The following CDH12 variants were observed in gnomAD, a reference collection of about 807,000 sequenced individuals.
The protein encoded by CDH12 is cadherin 12.
CDH12 carries 41 observed loss-of-function variants against 74.1 expected under a neutral mutation model. The ratio of observed to expected loss-of-function variants is 0.55; its 90% CI spans 0.43 to 0.72. CDH12 has a LOEUF of 0.72. Ranked by LOEUF, CDH12 falls within the 30% of genes least tolerant of loss-of-function variation. CDH12 has a pLI of 0.00. For synonymous variants in CDH12, 399 were observed against 355.0 expected (o/e 1.12, Z -1.39); for missense variants, 945 against 977.2 (o/e 0.97, Z 0.44).
chr5:22,767,731 C>T (rs187940803), intron 1 of CDH12, among the ~76,000 whole-genome samples: 17 of 151,942 alleles, frequency 1.1e-4, no homozygotes, highest in Non-Finnish European at 2.1e-4. Context: ...ATTATACCTA[C>T]GAGTTCTTTC....
intron 5 of CDH12, among the ~76,000 whole-genome samples, chr5:21,989,036 T>A (rs577684735): frequency 2.6e-5 from 4 of 152,250 alleles, no homozygotes; most frequent in African/African-American, 9.6e-5. Flanking sequence ...ATAGCCATTT[T>A]AATGTATTTT....
rs111416858 is a variant in CDH12, at chr5:22,669,934, G to A, written c.-522-164570C>T. On this transcript the variant is annotated intron_variant, in intron 1 of 14. Coordinates refer to ENST00000382254, the MANE Select transcript of CDH12 (RefSeq NM_004061.5). ...GAGTAGACTGTACATTATAAATCTG[G>A]TTATATCACTTCCATAATATTTTCA... 7.5e-3 allele frequency among the ~76,000 whole-genome samples: 1,143 copies of A among 152,178 alleles called. 18 individuals are homozygous for A. The highest frequency in any genetic ancestry group is 0.026 in the African/African-American group (1,099 of 41,512).
At chr5:22,712,787 G>A (rs3103161) in intron 1 of CDH12, among the ~76,000 whole-genome samples, 2 of 151,960 alleles carry the variant, frequency 1.3e-5, no homozygotes, top group African/African-American at 4.8e-5. Context: ...AAGCTAGGAT[G>A]TGTACAAAAG....
intron 6 of CDH12, among the ~76,000 whole-genome samples, chr5:21,957,323 C>A (rs1325071141): frequency 6.6e-6 from 1 of 152,098 alleles, no homozygotes; most frequent in East Asian, 1.9e-4. Context: ...TATTGATGAG[C>A]ATTGAGGTGG....
intron 4 of CDH12, among the ~76,000 whole-genome samples, chr5:22,185,083 A>T (rs923751894): frequency 4.0e-5 from 6 of 151,816 alleles, no homozygotes; most frequent in African/African-American, 1.2e-4. Context: ...TAGCTCCCAC[A>T]GTTTATCTAA....
intron 10 of CDH12, among the ~76,000 whole-genome samples, chr5:21,787,723 A>T (rs1296194110): frequency 6.6e-6 from 1 of 152,164 alleles, no homozygotes; most frequent in African/African-American, 2.4e-5. Flanking sequence ...TATTGGAGGA[A>T]TGAGAAAGCA....
intron 6 of CDH12, among the ~76,000 whole-genome samples, chr5:21,968,913 G>A (rs1456224045): frequency 1.3e-5 from 2 of 151,942 alleles, no homozygotes; most frequent in African/African-American, 2.4e-5. Context: ...TCTCTTATAA[G>A]TGGGAGCTGA....
At chr5:22,592,284 G>A (rs535788825) in intron 1 of CDH12, among the ~76,000 whole-genome samples, 7 of 152,016 alleles carry the variant, frequency 4.6e-5, no homozygotes, top group African/African-American at 9.7e-5. Context: ...CTGTACTTTC[G>A]GCATGTTGCC....
At chr5:22,661,453 C>CAAAAATA (rs1244339332) in intron 1 of CDH12, among the ~76,000 whole-genome samples, 7 of 152,140 alleles carry the variant, frequency 4.6e-5, no homozygotes, top group African/African-American at 1.7e-4. Context: ...ATTCTTTCTG[C>CAAAAATA]GTACAGAGAC....
At chr5:22,579,453 T>G (rs1261367093) in intron 1 of CDH12, among the ~76,000 whole-genome samples, 9 of 152,278 alleles carry the variant, frequency 5.9e-5, no homozygotes, top group South Asian at 2.1e-4. Flanking sequence ...CTAATGTGTA[T>G]TATGATGAAT....
intron 6 of CDH12, among the ~76,000 whole-genome samples, chr5:21,893,080 C>T (rs906632407): frequency 2.6e-5 from 4 of 152,098 alleles, no homozygotes; most frequent in Non-Finnish European, 4.4e-5. Flanking sequence ...AAAGTTCTCC[C>T]GCATCTTGCT....
chr5:22,512,093 C>A (rs1736637158), intron 1 of CDH12, among the ~76,000 whole-genome samples: 1 of 151,986 alleles, frequency 6.6e-6, no homozygotes, highest in South Asian at 2.1e-4. Flanking sequence ...GGGGAACAAT[C>A]ACAAAATCAC....
At chr5:22,055,188 G>A (rs4133323) in intron 5 of CDH12, among the ~76,000 whole-genome samples, 2 of 152,180 alleles carry the variant, frequency 1.3e-5, no homozygotes, top group Admixed American at 1.3e-4. Context: ...GCACAATAAA[G>A]AGTGGGTTGT....
At chr5:22,110,389 G>C (rs533921726) in intron 4 of CDH12, among the ~76,000 whole-genome samples, 1 of 151,974 alleles carries the variant, frequency 6.6e-6, no homozygotes, top group East Asian at 1.9e-4. Context: ...GGCCAGGTAC[G>C]CTACATGGGA....
intron 3 of CDH12, among the ~76,000 whole-genome samples, chr5:22,214,564 A>G (rs1031739716): frequency 1.3e-5 from 2 of 152,150 alleles, no homozygotes; most frequent in African/African-American, 4.8e-5. Context: ...CAGGGCTCTA[A>G]TGTGTAGTTG....
chr5:22,340,948 C>A (rs1302103499), intron 3 of CDH12, among the ~76,000 whole-genome samples: 1 of 152,128 alleles, frequency 6.6e-6, no homozygotes, highest in African/African-American at 2.4e-5. Flanking sequence ...CATCTGTTAT[C>A]TTTGTAATAT....
rs1426374294 is a variant in CDH12, at chr5:22,827,232, T to C, written c.-523+25826A>G. Among the ~76,000 whole-genome samples the C allele has an allele frequency of 3.3e-5, 5 of 152,158 alleles. No homozygotes were observed. The East Asian group carries it at 9.7e-4, about 29-fold the overall frequency. On this transcript the variant is annotated intron_variant, in intron 1 of 14. Transcript: ENST00000382254. The stretch of plus-strand genomic sequence containing the variant: ...GCCTTAAGCCATGGCGTCTTCCATG[T>C]GGTGTTGAGCCTGCGAGTACACAGA...
intron 4 of CDH12, among the ~76,000 whole-genome samples, chr5:22,172,756 T>G (rs1400167260): frequency 1.3e-5 from 2 of 151,834 alleles, no homozygotes; most frequent in Non-Finnish European, 2.9e-5. Context: ...TTTCTCTATT[T>G]TTTAATATTT....
At chr5:22,016,397 T>G (rs536830198) in intron 5 of CDH12, among the ~76,000 whole-genome samples, 1 of 152,210 alleles carries the variant, frequency 6.6e-6, no homozygotes, top group African/African-American at 2.4e-5. Flanking sequence ...ATAAGATTTT[T>G]TTTGTTTGTT....
Sources: gnomAD v4.1 joint callset for allele counts (sites outside exome capture counted in the v4.1 genomes callset) on GRCh38, gnomAD v4.1.1 for gene constraint, MANE v1.5 for transcripts, NCBI Gene and HGNC (gene_info 2026-07-23, HGNC 2026-07-21) for gene names.